The following CCSER1 variants were observed in gnomAD, a reference collection of about 807,000 sequenced individuals.
CCSER1 encodes coiled-coil serine rich protein 1.
A neutral mutation model predicts 82.0 loss-of-function variants in CCSER1; 41 were observed. The ratio of observed to expected loss-of-function variants is 0.50; its 90% confidence interval spans 0.39 to 0.65. The LOEUF (loss-of-function observed/expected upper bound fraction) is 0.65, where lower values mean the gene tolerates loss of function less well. Ranked by LOEUF, CCSER1 falls within the 30% of genes least tolerant of loss-of-function variation. The pLI is 0.00. For synonymous variants in CCSER1, 414 were observed against 383.9 expected (o/e 1.08, Z -0.92); for missense variants, 1,119 against 1,064.2 (o/e 1.05, Z -0.72).
chr4:90,341,350 T>C (rs1022142211), intron 3 of CCSER1, among the ~76,000 whole-genome samples: 9 of 152,104 alleles, frequency 5.9e-5, no homozygotes, highest in Non-Finnish European at 8.8e-5. Context: ...TGACATTAAC[T>C]TGACAATGTT....
chr4:90,481,069 A>C (rs1765874751), intron 5 of CCSER1, among the ~76,000 whole-genome samples: 1 of 152,126 alleles, frequency 6.6e-6, no homozygotes, highest in East Asian at 1.9e-4. Context: ...AGTGGTTTGA[A>C]GTTCTCGTTG....
chr4:91,598,510 T>C, intron 10 of CCSER1, 62 bp from the exon 11 acceptor site: 1 of 1,445,482 alleles, frequency 6.9e-7, no homozygotes, highest in South Asian at 1.4e-5. Flanking sequence ...TCACTCTGTA[T>C]TGTATGTATG....
At chr4:90,615,264 A>G (rs1026081079) in intron 5 of CCSER1, among the ~76,000 whole-genome samples, 3 of 152,206 alleles carry the variant, frequency 2.0e-5, no homozygotes, top group African/African-American at 7.2e-5. Flanking sequence ...GTCTAACAGA[A>G]CATCCATTCT....
At chr4:90,627,602 CA>C (rs1462823291) in intron 5 of CCSER1, among the ~76,000 whole-genome samples, 14 of 152,022 alleles carry the variant, frequency 9.2e-5, no homozygotes, top group African/African-American at 3.1e-4. Context: ...TATCCTAAAA[CA>C]GTAATTTTCA....
chr4:90,890,887 A>G (rs1449685392), intron 8 of CCSER1, among the ~76,000 whole-genome samples: 1 of 152,192 alleles, frequency 6.6e-6, no homozygotes, highest in Admixed American at 6.6e-5. Context: ...TAGATAAGGC[A>G]CATAACTTCA....
At chr4:90,213,573 T>A (rs1329128156) in intron 1 of CCSER1, among the ~76,000 whole-genome samples, 1 of 152,106 alleles carries the variant, frequency 6.6e-6, no homozygotes, top group African/African-American at 2.4e-5. Context: ...GTCCACGAAC[T>A]GAACTCTGAG....
At chr4:91,423,939 G>A (rs1345767722) in intron 10 of CCSER1, among the ~76,000 whole-genome samples, 2 of 149,792 alleles carry the variant, frequency 1.3e-5, no homozygotes. Context: ...GCTGAAGAAT[G>A]AGGAAACCTA....
chr4:90,691,583 T>C (rs1053625130), intron 6 of CCSER1, among the ~76,000 whole-genome samples: 1 of 108,708 alleles, frequency 9.2e-6, no homozygotes, highest in Admixed American at 9.6e-5. Context: ...GTATAATGCA[T>C]GTGAATATAT....
intron 7 of CCSER1, among the ~76,000 whole-genome samples, chr4:90,749,420 A>G (rs939589570): frequency 3.3e-5 from 5 of 151,892 alleles, no homozygotes; most frequent in Middle Eastern, 6.8e-3. Flanking sequence ...TACCAGTACC[A>G]TGCTGTTTTG....
At chr4:91,221,441 T>G (rs921717997) in intron 10 of CCSER1, among the ~76,000 whole-genome samples, 2 of 152,140 alleles carry the variant, frequency 1.3e-5, no homozygotes, top group African/African-American at 4.8e-5. Flanking sequence ...TAGATAGTAT[T>G]GATCAAGATA....
intron 1 of CCSER1, among the ~76,000 whole-genome samples, chr4:90,150,979 C>A (rs921888238): frequency 1.3e-5 from 2 of 151,428 alleles, no homozygotes; most frequent in Non-Finnish European, 2.9e-5. Context: ...TTTTTTCCTC[C>A]TCACAAAAGC....
intron 10 of CCSER1, among the ~76,000 whole-genome samples, chr4:91,213,257 A>G (rs988186416): frequency 2.6e-5 from 4 of 151,982 alleles, no homozygotes; most frequent in Admixed American, 1.3e-4. Context: ...ACATTTATTT[A>G]TTCACTATTT....
chr4:91,163,315 TTC>T (rs1731646666), intron 10 of CCSER1, among the ~76,000 whole-genome samples: 1 of 152,264 alleles, frequency 6.6e-6, no homozygotes, highest in African/African-American at 2.4e-5. Context: ...GTGATGTCTG[TTC>T]TTTTACATTG....
At position 91,335,772 on chromosome 4, in the gene CCSER1, A is replaced by C. The variant is rs1430394731; in HGVS notation, c.2217+249778A>C. 2.0e-5 allele frequency among the ~76,000 whole-genome samples: 3 copies of C among 152,124 alleles called. No homozygotes were observed. The East Asian group carries it at 5.8e-4, about 29-fold the overall frequency. ...TGTGGAAAATGGTGGCCATTTCTTT[A>C]GCAGCATCATGAAAAGACAAATCAT... On this transcript the variant is annotated intron_variant, in intron 10 of 10. Transcript: ENST00000509176.
chr4:91,378,301 C>A (rs1368078283), intron 10 of CCSER1, among the ~76,000 whole-genome samples: 1 of 152,140 alleles, frequency 6.6e-6, no homozygotes, highest in Non-Finnish European at 1.5e-5. Flanking sequence ...TCAGTGGTAG[C>A]TTGATGTGGA....
intron 6 of CCSER1, among the ~76,000 whole-genome samples, chr4:90,692,573 C>T (rs1420858534): frequency 6.6e-6 from 1 of 151,944 alleles, no homozygotes; most frequent in African/African-American, 2.4e-5. Context: ...ACAGTACTAG[C>T]ATTCAATAAG....
At chr4:91,339,807 A>G (rs11728542) in intron 10 of CCSER1, among the ~76,000 whole-genome samples, 1,725 of 151,884 alleles carry the variant, frequency 0.011, 22 homozygotes, top group South Asian at 0.032. Flanking sequence ...TTTTTTCTTT[A>G]CATGAATACC....
intron 10 of CCSER1, among the ~76,000 whole-genome samples, chr4:91,102,407 G>A (rs891240398): frequency 6.6e-6 from 1 of 152,082 alleles, no homozygotes; most frequent in African/African-American, 2.4e-5. Flanking sequence ...TGATTTCAGG[G>A]TTCTGAAATG....
Position 91,602,294 on chromosome 4 carries a change from A to T in CCSER1, c.*3237A>T, listed in dbSNP as rs1306312773. Among the ~76,000 whole-genome samples the T allele has an allele frequency of 6.6e-6, 1 of 152,028 alleles. No individual in the cohort carries two copies. The highest frequency in any genetic ancestry group is 6.6e-5 in the Admixed American group (1 of 15,234). Reference sequence around the variant, plus strand: ...ATTTCCTGAATGTTGAACTCCCATTATAGGAAATTCCACATTTTGTTTTGT... The same window carrying T: ...ATTTCCTGAATGTTGAACTCCCATTTTAGGAAATTCCACATTTTGTTTTGT... On this transcript the variant is annotated 3_prime_UTR_variant, in exon 11 of 11. Coordinates refer to ENST00000509176, the MANE Select transcript of CCSER1 (RefSeq NM_001145065.2).
Sources: allele counts gnomAD v4.1 joint callset (sites outside exome capture counted in the v4.1 genomes callset), GRCh38; gene constraint gnomAD v4.1.1; transcripts MANE v1.5; gene names NCBI Gene and HGNC (gene_info 2026-07-23, HGNC 2026-07-21).